ZHX3: variants seen among roughly 807,000 people sequenced by gnomAD.
The protein encoded by ZHX3 is zinc fingers and homeoboxes 3, also known as zinc fingers and homeoboxes protein 3.
ZHX3 carries 20 observed loss-of-function variants against 64.5 expected under a neutral mutation model. The ratio of observed to expected loss-of-function variants is 0.31; its 90% CI spans 0.22 to 0.45. The LOEUF is 0.45. ZHX3 is among the 20% of genes least tolerant of loss of function. ZHX3 has a pLI of 1.00. For synonymous variants in ZHX3, 423 were observed against 461.6 expected (o/e 0.92, Z 1.07); for missense variants, 1,041 against 1,195.8 (o/e 0.87, Z 1.91).
intron 2 of ZHX3, among the ~76,000 whole-genome samples, chr20:41,251,448 C>T (rs1420157119): frequency 1.3e-5 from 2 of 152,086 alleles, no homozygotes; most frequent in Non-Finnish European, 2.9e-5. Flanking sequence ...CAAAGAAATA[C>T]ACTAAAAAAA....
chr20:41,252,851 G>C (rs931041377), intron 2 of ZHX3, among the ~76,000 whole-genome samples: 7 of 152,130 alleles, frequency 4.6e-5, no homozygotes, highest in Admixed American at 2.0e-4. Context: ...CCCCATTAAA[G>C]TCAAAACTGA....
At chr20:41,221,104 A>G (rs1450757566) in intron 2 of ZHX3, among the ~76,000 whole-genome samples, 1 of 152,136 alleles carries the variant, frequency 6.6e-6, no homozygotes, top group Non-Finnish European at 1.5e-5. Context: ...TGTGACTGGG[A>G]CAGAGACTCC....
At chr20:41,303,699 C>G (rs1055563623) in intron 1 of ZHX3, among the ~76,000 whole-genome samples, 1 of 152,192 alleles carries the variant, frequency 6.6e-6, no homozygotes, top group African/African-American at 2.4e-5. Context: ...ACAGAAGAGA[C>G]CCTGTTCAAG....
rs549779026 is a variant in ZHX3 at position 41,190,005 on chromosome 20, G to GT, written c.2861-4805dup. On this transcript the variant is annotated intron_variant, in intron 3 of 3. Coordinates refer to ENST00000683867, the MANE Select transcript of ZHX3 (RefSeq NM_001384317.1). ...CTTCTTTCTATGCAGTTTTCTGAGT[G>GT]TTTTTTTTTTATCATGAAGCAATGT... Among the ~76,000 whole-genome samples, 1,292 of 147,710 alleles carry GT rather than the reference G, an allele frequency of 8.7e-3. 29 individuals carry two copies. The highest frequency in any genetic ancestry group is 0.048 in the Admixed American group (715 of 14,834).
At chr20:41,187,804 T>C (rs2036651897) in intron 3 of ZHX3, among the ~76,000 whole-genome samples, 2 of 152,250 alleles carry the variant, frequency 1.3e-5, no homozygotes, top group Non-Finnish European at 2.9e-5. Context: ...ATTGATAGTT[T>C]ACATATTTAT....
intron 2 of ZHX3, among the ~76,000 whole-genome samples, chr20:41,217,453 C>T (rs1050493393): frequency 3.3e-5 from 5 of 151,944 alleles, no homozygotes; most frequent in African/African-American, 1.2e-4. Flanking sequence ...AAAAAGAAAT[C>T]TTGTATCATA....
intron 1 of ZHX3, among the ~76,000 whole-genome samples, chr20:41,313,763 A>T (rs1463094184): frequency 6.6e-6 from 1 of 152,052 alleles, no homozygotes; most frequent in East Asian, 1.9e-4. Flanking sequence ...ACACCTGGCT[A>T]ATTTTTGTAT....
chr20:41,238,990 CTCT>C lies in ZHX3; in HGVS notation c.-151+29997_-151+29999del, dbSNP rs2041198849. The stretch of plus-strand genomic sequence containing the variant: ...ATGAAAACAAGGGCCTATTTTCTCT[CTCT>C]TTTTTTTTTTTTTTTTTTTTTTTTT... On this transcript the variant is annotated intron_variant, in intron 2 of 3. Coordinates refer to ENST00000683867, the MANE Select transcript of ZHX3 (RefSeq NM_001384317.1). Among the ~76,000 whole-genome samples, 3 of 132,616 alleles carry C rather than the reference CTCT, an allele frequency of 2.3e-5. No homozygotes were observed. The Admixed American group carries it at 2.3e-4, about 10-fold the overall frequency. 87.0% of individuals were successfully genotyped at this position (132,616 alleles called of 152,430 possible). A position where few individuals can be genotyped will look rare whatever the true frequency, so the allele number is the denominator to read the frequency against.
rs968420241 is a variant in ZHX3 at position 41,184,384 on chromosome 20, A to T, written c.*807T>A. ...GTCAGCACATTAGGCTTAACAACAA[A>T]TGTTTCTTTAGTTGATCTGATAACT... On this transcript the variant is annotated 3_prime_UTR_variant, in exon 4 of 4. Coordinates refer to ENST00000683867, the MANE Select transcript of ZHX3 (RefSeq NM_001384317.1). The T allele has an allele frequency of 8.5e-5, 13 of 153,652 alleles. No homozygotes were observed. The highest frequency in any genetic ancestry group is 3.1e-4 in the African/African-American group (13 of 41,422). The allele number at this position is 153,652 out of a possible 1,614,324, so 9.5% of individuals were successfully genotyped here. A position where few individuals can be genotyped will look rare whatever the true frequency, so the allele number is the denominator to read the frequency against.
rs777514847 is a variant in ZHX3, at chr20:41,202,906, CCTCAGCATTCACTTTTTTCCGTCT to C, written c.1987_2010del (p.Arg663_Glu670del). On this transcript the variant is annotated inframe_deletion, in exon 3 of 4. Coordinates refer to ENST00000683867, the MANE Select transcript of ZHX3 (RefSeq NM_001384317.1). This position sits in a 1 kb window ranked among gnomAD's most constrained non-coding sequence, Gnocchi z 7.0. ...GCATTCTCCTCAGCCTTCTTGGTCTCCTCAGCATTCACTTTTTTCCGTCTCTCTGAAAACCAGCTATCAATTTCT... is the reference window on the plus strand; with the variant it reads ...GCATTCTCCTCAGCCTTCTTGGTCTCCTCTGAAAACCAGCTATCAATTTCT... 1 of 1,614,156 alleles carries C rather than the reference CCTCAGCATTCACTTTTTTCCGTCT, an allele frequency of 6.2e-7. No individual in the cohort carries two copies. The highest frequency in any genetic ancestry group is 8.5e-7 in the Non-Finnish European group (1 of 1,180,028).
intron 3 of ZHX3, among the ~76,000 whole-genome samples, chr20:41,194,493 G>T (rs1300549778): frequency 6.6e-6 from 1 of 151,942 alleles, no homozygotes; most frequent in African/African-American, 2.4e-5. Context: ...GGGGATTTTT[G>T]TATCTATATT....
chr20:41,209,144 G>C (rs2038960324), intron 2 of ZHX3, among the ~76,000 whole-genome samples: 1 of 152,122 alleles, frequency 6.6e-6, no homozygotes. Context: ...GGGATGTGAA[G>C]GACCTCTTCA....
chr20:41,207,455 C>G (rs942793697), intron 2 of ZHX3, among the ~76,000 whole-genome samples: 5 of 152,150 alleles, frequency 3.3e-5, no homozygotes, highest in African/African-American at 1.2e-4. Flanking sequence ...TAAAGCACTC[C>G]TCAGCAAATG....
At chr20:41,217,433 GAC>G (rs914919745) in intron 2 of ZHX3, among the ~76,000 whole-genome samples, 2 of 151,774 alleles carry the variant, frequency 1.3e-5, no homozygotes, top group Non-Finnish European at 2.9e-5. Context: ...AAAAGCTCGA[GAC>G]ATATTTTAAA....
At chr20:41,192,944 T>G (rs1263661251) in intron 3 of ZHX3, among the ~76,000 whole-genome samples, 1 of 152,226 alleles carries the variant, frequency 6.6e-6, no homozygotes, top group African/African-American at 2.4e-5. Context: ...TGAGGGTCTC[T>G]CACTTACCTT....
chr20:41,279,858 G>A (rs2043583954), intron 1 of ZHX3, among the ~76,000 whole-genome samples: 1 of 152,122 alleles, frequency 6.6e-6, no homozygotes, highest in Non-Finnish European at 1.5e-5. Flanking sequence ...GAACCCTAGG[G>A]GGGAACAAAC....
intron 3 of ZHX3, among the ~76,000 whole-genome samples, chr20:41,196,492 A>AT (rs2037647618): frequency 2.5e-5 from 2 of 80,184 alleles, no homozygotes; most frequent in African/African-American, 5.2e-5. Context: ...TTATAAATAT[A>AT]TATTATATAT....
rs1423843001 is a variant in ZHX3, at chr20:41,201,795, AC to A, written c.2860+261del. On this transcript the variant is annotated intron_variant, in intron 3 of 3. Transcript: ENST00000683867. This position sits in a 1 kb window ranked among gnomAD's most constrained non-coding sequence, Gnocchi z 5.0. ...CTAAGAAATGGCTAGAAAAGCTTGG[AC>A]CCCTTTAGGGTCACCATGTTCCTTC... Among the ~76,000 whole-genome samples, 1 of 152,034 alleles carries A rather than the reference AC, an allele frequency of 6.6e-6. No homozygotes were observed. The highest frequency in any genetic ancestry group is 1.5e-5 in the Non-Finnish European group (1 of 68,000).
intron 2 of ZHX3, among the ~76,000 whole-genome samples, chr20:41,260,067 C>T (rs2042476309): frequency 6.6e-6 from 1 of 151,856 alleles, no homozygotes; most frequent in Non-Finnish European, 1.5e-5. Flanking sequence ...TAATGAAACT[C>T]TCCATGGATA....
Sources: allele counts gnomAD v4.1 joint callset (sites outside exome capture counted in the v4.1 genomes callset), GRCh38; gene constraint gnomAD v4.1.1; non-coding constraint Gnocchi (gnomAD v3.1); transcripts MANE v1.5; gene names NCBI Gene and HGNC (gene_info 2026-07-23, HGNC 2026-07-21).